Variants in SCGN observed in about 807,000 individuals in gnomAD.
SCGN encodes the protein secretagogin.
SCGN carries 30 observed loss-of-function variants against 39.7 expected under a neutral mutation model. The ratio of observed to expected loss-of-function variants is 0.76; its 90% confidence interval spans 0.57 to 1.03. The LOEUF (loss-of-function observed/expected upper bound fraction) is 1.03, where lower values mean the gene tolerates loss of function less well. Ranked by LOEUF, SCGN falls within the 50% of genes least tolerant of loss-of-function variation. SCGN has a pLI of 0.00. For missense variants in SCGN, 353 were observed against 349.4 expected, an observed-to-expected ratio of 1.01 and a Z score of -0.08; for synonymous variants, 106 against 114.1, an observed-to-expected ratio of 0.93 and a Z score of 0.45.
At chr6:25,674,401 T>C (rs866503691) in intron 6 of SCGN, among the ~76,000 whole-genome samples, 7 of 152,258 alleles carry the variant, frequency 4.6e-5, no homozygotes, top group Non-Finnish European at 5.9e-5. Context: ...AGTTGGTTTT[T>C]TAAAAGACTT....
intron 10 of SCGN, among the ~76,000 whole-genome samples, chr6:25,694,503 G>A (rs1759814393): frequency 6.6e-6 from 1 of 152,202 alleles, no homozygotes; most frequent in Admixed American, 6.5e-5. Flanking sequence ...CTGTTTCTGT[G>A]GAGCTGCTGG....
intron 10 of SCGN, among the ~76,000 whole-genome samples, chr6:25,696,546 T>C (rs916208789): frequency 6.6e-6 from 1 of 152,204 alleles, no homozygotes; most frequent in African/African-American, 2.4e-5. Context: ...AAAACAGTAA[T>C]GCAATAATAT....
intron 6 of SCGN, 56 bp downstream of exon 6, chr6:25,670,132 AC>A: frequency 8.4e-7 from 1 of 1,190,072 alleles, no homozygotes; most frequent in Non-Finnish European, 1.3e-6. Flanking sequence ...CCCTCCCCAG[AC>A]CCCAGAAACA....
In SCGN at chr6:25,689,531, T is replaced by C. The variant is rs755061825; in HGVS notation, c.632T>C (p.Val211Ala). ...GAGAAAATCTTTGCCTACTATGATG[T>C]TGTAAGTGTGCGTCTTTATACTGTG... The part of the protein sequence containing the change: ...DFEKIFAYYD[V>A]SKTGALEGPE... Residue 211 changes from valine (V) to alanine (A), a missense_variant and splice_region_variant, in exon 9 of 11, where the codon GTT (valine) becomes GCT (alanine). Transcript: ENST00000377961. 8 of 1,613,310 alleles carry C rather than the reference T, an allele frequency of 5.0e-6. No homozygotes were observed. The highest frequency in any genetic ancestry group is 5.9e-6 in the Non-Finnish European group (7 of 1,179,274).
In SCGN at chr6:25,697,136, A is replaced by G. The variant is rs117625585; in HGVS notation, c.703-4071A>G. Among the ~76,000 whole-genome samples the G allele has an allele frequency of 1.7e-3, 252 of 152,306 alleles. 7 individuals carry two copies. In the East Asian group the frequency reaches 0.048, roughly 29 times the overall value. The stretch of plus-strand genomic sequence containing the variant: ...CATTTGCCTAGTAAAGTGATCCTAA[A>G]GGAACACCAATGTAATTTCTTATTT... On this transcript the variant is annotated intron_variant, in intron 10 of 10. Coordinates refer to ENST00000377961, the MANE Select transcript of SCGN (RefSeq NM_006998.4).
At chr6:25,661,521 C>CA in intron 2 of SCGN, 31 bp from the exon 3 acceptor site, 11 of 1,479,972 alleles carry the variant, frequency 7.4e-6, no homozygotes, top group Non-Finnish European at 1.0e-5. Context: ...ATTCCAGTGG[C>CA]TTTAATGTGG....
intron 3 of SCGN, among the ~76,000 whole-genome samples, chr6:25,662,676 C>T (rs1760357313): frequency 6.6e-6 from 1 of 152,112 alleles, no homozygotes; most frequent in Non-Finnish European, 1.5e-5. Flanking sequence ...CAGGAGACTG[C>T]CTTTTCAGAA....
intron 7 of SCGN, among the ~76,000 whole-genome samples, chr6:25,686,029 G>A (rs554100068): frequency 4.6e-5 from 7 of 152,210 alleles, no homozygotes; most frequent in Non-Finnish European, 8.8e-5. Context: ...TATTTCACTT[G>A]GAGTAATGTT....
chr6:25,691,182 T>C, intron 10 of SCGN, 58 bp downstream of exon 10: 1 of 1,305,994 alleles, frequency 7.7e-7, no homozygotes, highest in East Asian at 2.3e-5. Context: ...TATTCCATTG[T>C]TTATTTGTGG....
At chr6:25,666,263 G>A (rs1417752307) in intron 4 of SCGN, among the ~76,000 whole-genome samples, 1 of 151,964 alleles carries the variant, frequency 6.6e-6, no homozygotes, top group African/African-American at 2.4e-5. Context: ...GGCGTAGGGT[G>A]GAGAATCACT....
chr6:25,701,101 C>T, intron 10 of SCGN, 106 bp from the exon 11 acceptor site: 3 of 1,288,546 alleles, frequency 2.3e-6, no homozygotes, highest in African/African-American at 1.5e-5. Context: ...TGTGGCCTGT[C>T]TCCTTCAAGG....
intron 7 of SCGN, 95 bp from the exon 8 acceptor site, chr6:25,689,077 A>G (rs987614468): frequency 9.2e-6 from 7 of 761,176 alleles, no homozygotes; most frequent in Non-Finnish European, 1.5e-5. Flanking sequence ...GTTCTGCAGG[A>G]AATTGCCTGT....
chr6:25,669,128 C>G (rs897926422), intron 4 of SCGN, among the ~76,000 whole-genome samples: 1 of 129,298 alleles, frequency 7.7e-6, no homozygotes, highest in African/African-American at 2.9e-5. Context: ...AAAAAAAAAT[C>G]TGTTTTCATA....
chr6:25,665,833 A>G (rs888272109), intron 4 of SCGN, among the ~76,000 whole-genome samples: 18 of 139,634 alleles, frequency 1.3e-4, no homozygotes, highest in Non-Finnish European at 2.9e-4. Context: ...CATTAAGAAA[A>G]TGATTTTTTT....
intron 6 of SCGN, among the ~76,000 whole-genome samples, chr6:25,672,190 A>C (rs895296799): frequency 1.3e-5 from 2 of 152,218 alleles, no homozygotes; most frequent in African/African-American, 4.8e-5. Flanking sequence ...TGCCTAGTGC[A>C]TATCATTATC....
At chr6:25,686,594 C>T (rs1450843233) in intron 7 of SCGN, among the ~76,000 whole-genome samples, 2 of 152,122 alleles carry the variant, frequency 1.3e-5, no homozygotes, top group African/African-American at 4.8e-5. Flanking sequence ...ATTCTGTGCA[C>T]TAGACACTTA....
At chr6:25,664,870 C>A (rs1760399647) in intron 3 of SCGN, 73 bp from the exon 4 acceptor site, 2 of 1,122,668 alleles carry the variant, frequency 1.8e-6, no homozygotes, top group Non-Finnish European at 2.7e-6. Context: ...CACCACCATG[C>A]CTTTTACCAG....
chr6:25,697,147 T>A (rs527601799), intron 10 of SCGN, among the ~76,000 whole-genome samples: 1 of 152,300 alleles, frequency 6.6e-6, no homozygotes, highest in Admixed American at 6.5e-5. Context: ...GGAACACCAA[T>A]GTAATTTCTT....
chr6:25,677,830 A>G (rs1759585066), intron 6 of SCGN, among the ~76,000 whole-genome samples: 1 of 152,216 alleles, frequency 6.6e-6, no homozygotes, highest in Non-Finnish European at 1.5e-5. Flanking sequence ...TTCTTCACTA[A>G]GAATTGTTTT....
Sources: allele counts gnomAD v4.1 joint callset (sites outside exome capture counted in the v4.1 genomes callset), GRCh38; gene constraint gnomAD v4.1.1; transcripts MANE v1.5; gene names NCBI Gene and HGNC (gene_info 2026-07-23, HGNC 2026-07-21).